Variants in ATG3 observed in about 807,000 individuals in gnomAD.
The protein encoded by ATG3 is ubiquitin-like-conjugating enzyme ATG3.
Under a neutral mutation model 50.7 loss-of-function variants are expected in ATG3, and 25 were observed. That is an observed-to-expected ratio of 0.49 (90% CI 0.36 to 0.69). The LOEUF is 0.69. ATG3 is among the 30% of genes least tolerant of loss of function. The pLI is 0.00. For synonymous variants in ATG3, 119 were observed against 125.5 expected (o/e 0.95, Z 0.34); for missense variants, 281 against 376.0 (o/e 0.75, Z 2.09).
intron 3 of ATG3, among the ~76,000 whole-genome samples, chr3:112,550,614 T>C (rs901158579): frequency 2.6e-5 from 4 of 152,116 alleles, no homozygotes; most frequent in Non-Finnish European, 5.9e-5. Context: ...CACTGTATAA[T>C]CTCTCACATT....
rs1262006844 is a variant in ATG3, at chr3:112,532,895, CTTAAA to C, written c.864-120_864-116del. The stretch of plus-strand genomic sequence containing the variant: ...ATTTCTCAAAAAAACCCCACAAAAT[CTTAAA>C]TTAAGTCTATTAAAGAATTCAACTA... On this transcript the variant is annotated intron_variant, in intron 11 of 11. Transcript: ENST00000283290. 23 of 1,324,012 alleles carry C rather than the reference CTTAAA, an allele frequency of 1.7e-5. No homozygotes were observed. The Admixed American group carries it at 2.2e-4, about 13-fold the overall frequency. The allele number at this position is 1,324,012 out of a possible 1,614,324, so 82.0% of individuals were successfully genotyped here. A position where few individuals can be genotyped will look rare whatever the true frequency, so the allele number is the denominator to read the frequency against.
chr3:112,538,621 G>A (rs1933141205), intron 7 of ATG3, among the ~76,000 whole-genome samples: 1 of 152,136 alleles, frequency 6.6e-6, no homozygotes, highest in Admixed American at 6.5e-5. Flanking sequence ...ATCACTGAGT[G>A]CTGTTTCAGT....
chr3:112,536,597 C>A lies in ATG3; in HGVS notation c.672G>T (p.Arg224=). 6.2e-7 allele frequency: 1 copy of A among 1,613,856 alleles called. No individual in the cohort carries two copies. Among genetic ancestry groups the A allele is most frequent in the Admixed American group, 1.7e-5 (1 of 59,978 alleles). The change falls in exon 10 of 12, where the codon CGG becomes CGT. Residue 224 remains arginine (R), a synonymous_variant. Coordinates refer to ENST00000283290, the MANE Select transcript of ATG3 (RefSeq NM_022488.5). ...ACATGTGCTCAACTGTTAAAGGCTGCCGTTGCTGAAAGCATAAAAAATGCT... is the reference window on the plus strand; with the variant it reads ...ACATGTGCTCAACTGTTAAAGGCTGACGTTGCTGAAAGCATAAAAAATGCT... The part of the protein sequence containing the change: ...RLWLFGYDEQ[R]QPLTVEHMYE...
At chr3:112,536,177 A>C (rs926922508) in intron 10 of ATG3, 10 of 293,138 alleles carry the variant, frequency 3.4e-5, no homozygotes, top group African/African-American at 1.8e-4. Context: ...AGAATCTTCC[A>C]AACTGTTCTG....
chr3:112,543,034 C>T (rs1933272661), intron 6 of ATG3, among the ~76,000 whole-genome samples: 1 of 151,810 alleles, frequency 6.6e-6, no homozygotes, highest in Non-Finnish European at 1.5e-5. Context: ...AAGCATAAAA[C>T]TGTAAATAAA....
chr3:112,548,012 A>G (rs1364894232), intron 5 of ATG3, among the ~76,000 whole-genome samples: 2 of 152,170 alleles, frequency 1.3e-5, no homozygotes, highest in African/African-American at 4.8e-5. Flanking sequence ...AGAAACTAAG[A>G]AAATAATATT....
chr3:112,541,951 T>C, intron 6 of ATG3, 67 bp from the exon 7 acceptor site: 1 of 1,285,462 alleles, frequency 7.8e-7, no homozygotes, highest in Non-Finnish European at 1.1e-6. Flanking sequence ...AACACCCATG[T>C]GCTAGCACAG....
At chr3:112,534,946 A>C (rs1932982785) in intron 10 of ATG3, 1 of 152,066 alleles carries the variant, frequency 6.6e-6, no homozygotes, top group South Asian at 2.1e-4. Context: ...TCTTTGTCCT[A>C]ATAGGTATTC....
rs141601014 is a variant in ATG3 at position 112,553,978 on chromosome 3, C to T, written c.115-649G>A. 3.5e-3 allele frequency among the ~76,000 whole-genome samples: 531 copies of T among 152,274 alleles called. 8 individuals are homozygous for T. Among genetic ancestry groups the T allele is most frequent in the Admixed American group, 0.025 (386 of 15,290 alleles). ...AACAAATTGAATTCTCTCTAAAAAACCTTAGACTTCCTAAGCGGGCTGAAT... is the reference window on the plus strand; with the variant it reads ...AACAAATTGAATTCTCTCTAAAAAATCTTAGACTTCCTAAGCGGGCTGAAT... On this transcript the variant is annotated intron_variant, in intron 2 of 11. Coordinates refer to ENST00000283290, the MANE Select transcript of ATG3 (RefSeq NM_022488.5).
intron 11 of ATG3, chr3:112,533,019 CAT>C (rs1559840662): frequency 2.6e-6 from 3 of 1,136,742 alleles, no homozygotes; most frequent in Non-Finnish European, 3.2e-6. Flanking sequence ...AGTAGGTGTT[CAT>C]ATAAGCACAA....
At chr3:112,538,772 C>CA (rs1933145944) in intron 7 of ATG3, among the ~76,000 whole-genome samples, 1 of 152,174 alleles carries the variant, frequency 6.6e-6, no homozygotes, top group Non-Finnish European at 1.5e-5. Context: ...CATCCAGACT[C>CA]AATGACTTCA....
intron 9 of ATG3, 101 bp downstream of exon 9, chr3:112,537,634 T>C: frequency 2.3e-6 from 2 of 867,370 alleles, no homozygotes; most frequent in South Asian, 2.7e-5. Context: ...ATTTCCAAAA[T>C]GTGAAACACT....
intron 7 of ATG3, among the ~76,000 whole-genome samples, chr3:112,539,564 CCTTT>C (rs1398760532): frequency 5.9e-5 from 9 of 152,132 alleles, no homozygotes; most frequent in East Asian, 1.9e-4. Flanking sequence ...CCCCTTTCTT[CCTTT>C]ATTTTTTCCT....
chr3:112,540,403 C>T (rs1933194241), intron 7 of ATG3, among the ~76,000 whole-genome samples: 1 of 152,218 alleles, frequency 6.6e-6, no homozygotes, highest in South Asian at 2.1e-4. Context: ...TTTTGGCATT[C>T]AGCTGCCTTA....
In ATG3 at chr3:112,538,839, C is replaced by T. The variant is rs182123692; in HGVS notation, c.476-659G>A. Among the ~76,000 whole-genome samples, 4 of 152,280 alleles carry T rather than the reference C, an allele frequency of 2.6e-5. No homozygotes were observed. The East Asian group carries it at 5.8e-4, about 22-fold the overall frequency. On this transcript the variant is annotated intron_variant, in intron 7 of 11. Transcript: ENST00000283290. The stretch of plus-strand genomic sequence containing the variant: ...CTGCGGACTTGGATTATTTATTTTA[C>T]GTCTCTACTAAATAACTAATGAACA...
chr3:112,558,056 C>T, intron 2 of ATG3: 1 of 223,426 alleles, frequency 4.5e-6, no homozygotes, highest in South Asian at 1.3e-4. Context: ...ACACCACAGA[C>T]ATTACAGAGC....
At position 112,532,539 on chromosome 3, in the gene ATG3, T is replaced by C. The variant is rs2082563556; in HGVS notation, c.*160A>G. ...TTTGCACTGATTTTTATTAAACAAG[T>C]AAGGCTGGTAGTGGAACATATTTTT... On this transcript the variant is annotated 3_prime_UTR_variant, in exon 12 of 12. Transcript: ENST00000283290. 2.3e-6 allele frequency: 1 copy of C among 439,242 alleles called. No individual in the cohort carries two copies. The highest frequency in any genetic ancestry group is 3.8e-6 in the Non-Finnish European group (1 of 264,614). 27.2% of individuals were successfully genotyped at this position (439,242 alleles called of 1,614,324 possible). A position where few individuals can be genotyped will look rare whatever the true frequency, so the allele number is the denominator to read the frequency against.
At chr3:112,550,862 GTTA>G (rs1476127891) in intron 3 of ATG3, among the ~76,000 whole-genome samples, 3 of 152,176 alleles carry the variant, frequency 2.0e-5, no homozygotes, top group Non-Finnish European at 4.4e-5. Context: ...TCTCCAACAT[GTTA>G]TTTTCAATTA....
Position 112,537,901 on chromosome 3 carries a change from T to A in ATG3, c.511-11A>T. 2 of 1,583,862 alleles carry A rather than the reference T, an allele frequency of 1.3e-6. No individual in the cohort carries two copies. Among genetic ancestry groups the A allele is most frequent in the Non-Finnish European group, 8.6e-7 (1 of 1,167,906 alleles). ...TGTATCTAGGGTAGCCTGAAAATAA[T>A]AAAAGAGAAAAATTTACAACCATTA... On this transcript the variant is annotated splice_polypyrimidine_tract_variant and intron_variant, in intron 8 of 11. Transcript: ENST00000283290.
Sources: allele counts gnomAD v4.1 joint callset (sites outside exome capture counted in the v4.1 genomes callset), GRCh38; gene constraint gnomAD v4.1.1; transcripts MANE v1.5; gene names NCBI Gene and HGNC (gene_info 2026-07-23, HGNC 2026-07-21).